Variants in MTMR8 observed in about 807,000 individuals in gnomAD.
The protein encoded by MTMR8 is phosphatidylinositol-3,5-bisphosphate 3-phosphatase MTMR8.
A neutral mutation model predicts 39.3 loss-of-function variants in MTMR8; 65 were observed. That is an observed-to-expected ratio of 1.65 (90% CI 1.35 to 2.03). The LOEUF is 2.03. MTMR8 is among the 30% of genes most tolerant of loss of function. MTMR8 has a pLI of 0.00. For missense variants in MTMR8, 777 were observed against 538.9 expected (o/e 1.44, Z -4.37); for synonymous variants, 245 against 185.2 (o/e 1.32, Z -2.62).
chrX:64,343,040 G>A (rs1191029786), intron 8 of MTMR8, among the ~76,000 whole-genome samples: 1 of 111,509 alleles, frequency 9.0e-6, no homozygotes. Context: ...GACAAAGCCT[G>A]CCTAGACTGC....
intron 12 of MTMR8, among the ~76,000 whole-genome samples, chrX:64,288,339 A>G (rs1222856393): frequency 9.0e-6 from 1 of 111,423 alleles, no homozygotes; most frequent in African/African-American, 3.3e-5. Flanking sequence ...CACCAGTTAC[A>G]ATGGCGATCA....
chrX:64,301,084 T>C (rs1179456073), intron 12 of MTMR8, among the ~76,000 whole-genome samples: 4 of 105,764 alleles, frequency 3.8e-5, no homozygotes, highest in Admixed American at 3.1e-4. Flanking sequence ...GGAGTATCTT[T>C]GTGGCGTTCT....
intron 8 of MTMR8, among the ~76,000 whole-genome samples, chrX:64,339,781 T>A (rs752929910): frequency 9.3e-6 from 1 of 107,353 alleles, no homozygotes; most frequent in Non-Finnish European, 1.9e-5. Flanking sequence ...TGGGGCACTA[T>A]GTCCACCGAG....
At chrX:64,300,270 T>TG (rs1370720956) in intron 12 of MTMR8, among the ~76,000 whole-genome samples, 1 of 111,325 alleles carries the variant, frequency 9.0e-6, no homozygotes, top group Non-Finnish European at 1.9e-5. Context: ...GCTCCTGTAT[T>TG]GGGTGCACAT....
intron 10 of MTMR8, among the ~76,000 whole-genome samples, chrX:64,333,417 C>T (rs1922992966): frequency 1.8e-5 from 2 of 111,660 alleles, no homozygotes; most frequent in South Asian, 7.5e-4. Context: ...ACCTTTTCTG[C>T]CTGTCTTTCC....
intron 12 of MTMR8, among the ~76,000 whole-genome samples, chrX:64,287,996 C>A (rs374413710): frequency 1.3e-4 from 1 of 7,648 alleles, no homozygotes; most frequent in African/African-American, 2.8e-4. Flanking sequence ...AGCTGCTACA[C>A]AGCAAAAAAA....
At chrX:64,269,105 T>A in intron 13 of MTMR8, 62 bp from the exon 14 acceptor site, 1 of 1,104,946 alleles carries the variant, frequency 9.1e-7, no homozygotes. Context: ...TAGGCAAACA[T>A]TACCTTGATC....
chrX:64,343,831 T>C (rs1923279682), intron 7 of MTMR8, 111 bp from the exon 8 acceptor site: 2 of 527,686 alleles, frequency 3.8e-6, no homozygotes, highest in Non-Finnish European at 6.4e-6. Flanking sequence ...GCAGAAAGGT[T>C]AAATGATTAG....
chrX:64,318,269 G>A (rs777380006), intron 12 of MTMR8, among the ~76,000 whole-genome samples: 1 of 112,457 alleles, frequency 8.9e-6, no homozygotes, highest in South Asian at 3.7e-4. Context: ...GCTTGATGAG[G>A]CCAGAAATCT....
intron 12 of MTMR8, among the ~76,000 whole-genome samples, chrX:64,301,614 T>A (rs1921878991): frequency 8.9e-6 from 1 of 112,314 alleles, no homozygotes; most frequent in African/African-American, 3.2e-5. Context: ...GTTCCATTGC[T>A]GGTGAGGAAC....
chrX:64,293,644 T>C (rs1921473967), intron 12 of MTMR8, among the ~76,000 whole-genome samples: 1 of 111,032 alleles, frequency 9.0e-6, no homozygotes, highest in South Asian at 3.8e-4. Flanking sequence ...CAGTAGACAA[T>C]CACCCTTTTA....
At chrX:64,271,857 G>A (rs1005644074) in intron 12 of MTMR8, among the ~76,000 whole-genome samples, 2 of 112,235 alleles carry the variant, frequency 1.8e-5, no homozygotes, top group African/African-American at 6.5e-5. Context: ...TCAACACAGG[G>A]TAGGGGGAAA....
In MTMR8 at chrX:64,359,465, A is replaced by G; in HGVS notation, c.87T>C (p.Tyr29=). 8.3e-7 allele frequency: 1 copy of G among 1,209,407 alleles called. No individual in the cohort carries two copies. The highest frequency in any genetic ancestry group is 1.1e-6 in the Non-Finnish European group (1 of 893,947). The change falls in exon 2 of 14, where the codon TAT becomes TAC. Residue 29 remains tyrosine, a synonymous_variant. Transcript: ENST00000374852. Reference sequence around the variant, plus strand: ...CATAGATCAGGTGGGTTGCAGTAAGATAAAGAATCCCATTAGCTGGTTTCT... The same window carrying G: ...CATAGATCAGGTGGGTTGCAGTAAGGTAAAGAATCCCATTAGCTGGTTTCT... ...VSKKPANGIL[Y]LTATHLIYVE... is the part of the protein sequence containing the mutation.
chrX:64,368,618 T>C (rs1277759832), intron 1 of MTMR8, among the ~76,000 whole-genome samples: 1 of 111,855 alleles, frequency 8.9e-6, no homozygotes, highest in Non-Finnish European at 1.9e-5. Context: ...TCAAGATGGA[T>C]TAAAGACTTA....
At chrX:64,361,321 A>G (rs1923774266) in intron 1 of MTMR8, among the ~76,000 whole-genome samples, 1 of 111,550 alleles carries the variant, frequency 9.0e-6, no homozygotes, top group Admixed American at 9.5e-5. Context: ...GAAAAAGAAT[A>G]AAGTTACTCA....
At chrX:64,313,696 T>TA (rs1047778902) in intron 12 of MTMR8, among the ~76,000 whole-genome samples, 7 of 112,606 alleles carry the variant, frequency 6.2e-5, no homozygotes, top group Non-Finnish European at 1.3e-4. Context: ...TTAGTTGGCC[T>TA]AATTTCAATA....
At chrX:64,319,119 T>G (rs16990488) in intron 12 of MTMR8, among the ~76,000 whole-genome samples, 2,100 of 112,366 alleles carry the variant, frequency 0.019, 62 homozygotes, top group African/African-American at 0.065. Flanking sequence ...TTGGTGGCAA[T>G]GAAAAATACC....
intron 12 of MTMR8, 86 bp from the exon 13 acceptor site, chrX:64,271,159 T>C (rs1931752194): frequency 1.0e-6 from 1 of 988,195 alleles, no homozygotes; most frequent in South Asian, 2.8e-5. Flanking sequence ...CAAGAAAATA[T>C]TGGCTTAGTA....
chrX:64,286,249 A>G (rs1200531810), intron 12 of MTMR8, among the ~76,000 whole-genome samples: 2 of 112,223 alleles, frequency 1.8e-5, no homozygotes, highest in Non-Finnish European at 1.9e-5. Context: ...ATTCCTCGAC[A>G]CATACACCCT....
Sources: allele counts gnomAD v4.1 joint callset (sites outside exome capture counted in the v4.1 genomes callset), GRCh38; gene constraint gnomAD v4.1.1; transcripts MANE v1.5; gene names NCBI Gene and HGNC (gene_info 2026-07-23, HGNC 2026-07-21).